ENPP5: variants seen among roughly 807,000 people sequenced by gnomAD.
ENPP5 encodes ectonucleotide pyrophosphatase/phosphodiesterase family member 5.
ENPP5 carries 27 observed loss-of-function variants against 33.7 expected under a neutral mutation model. The ratio of observed to expected loss-of-function variants is 0.80; its 90% CI spans 0.59 to 1.11. The LOEUF is 1.11. ENPP5 is among the 50% of genes least tolerant of loss of function. The pLI is 0.00. For missense variants in ENPP5, 552 were observed against 579.2 expected, an observed-to-expected ratio of 0.95 and a Z score of 0.48; for synonymous variants, 199 against 200.5, an observed-to-expected ratio of 0.99 and a Z score of 0.06.
intron 3 of ENPP5, 29 bp downstream of exon 3, chr6:46,167,405 C>T: frequency 6.9e-7 from 1 of 1,440,772 alleles, no homozygotes; most frequent in Non-Finnish European, 9.7e-7. Context: ...CATCTAGTCT[C>T]AGCTCACCAT....
intron 3 of ENPP5, among the ~76,000 whole-genome samples, chr6:46,166,445 C>A (rs549042388): frequency 9.8e-6 from 1 of 102,406 alleles, no homozygotes; most frequent in Non-Finnish European, 2.2e-5. Flanking sequence ...CCACACCAGG[C>A]TATTTTTTTT....
intron 2 of ENPP5, among the ~76,000 whole-genome samples, chr6:46,168,773 T>C (rs1764637632): frequency 6.6e-6 from 1 of 151,790 alleles, no homozygotes; most frequent in African/African-American, 2.4e-5. Flanking sequence ...ATATTATATA[T>C]ATATGTATAT....
rs1355478221 is a variant in ENPP5 at position 46,161,687 on chromosome 6, G to T, written c.1073C>A (p.Ala358Asp). 3.1e-6 allele frequency: 5 copies of T among 1,613,578 alleles called. No individual in the cohort carries two copies. Among genetic ancestry groups the T allele is most frequent in the Admixed American group, 1.7e-5 (1 of 60,010 alleles). Residue 358 changes from alanine (A) to aspartate (D), a missense_variant, in exon 5 of 5, where the codon GCC becomes GAC. Transcript: ENST00000371383. ...TTCTTTTGAGAAATTCTTTCTGAAG[G>T]CAGGACCATGGGCTAAAAATATTGG... is the stretch of plus-strand genomic sequence containing the variant. The part of the protein sequence containing the change: ...MHPIFLAHGP[A>D]FRKNFSKEAM...
Position 46,161,903 on chromosome 6 carries a change from T to TCAGAGA in ENPP5, c.1007-151_1007-150insTCTCTG, listed in dbSNP as rs1581966493. Reference sequence around the variant, plus strand: ...CTTTGACAAACAATCTCTGCTGTTGTCCACATCACAATTCTCTTCAGGAAT... The same window carrying TCAGAGA: ...CTTTGACAAACAATCTCTGCTGTTGTCAGAGACCACATCACAATTCTCTTCAGGAAT... On this transcript the variant is annotated intron_variant, in intron 4 of 4. Transcript: ENST00000371383. 153 of 664,462 alleles carry TCAGAGA rather than the reference T, an allele frequency of 2.3e-4. 1 individual carries two copies. The East Asian group carries it at 3.8e-3, about 17-fold the overall frequency. The allele number at this position is 664,462 out of a possible 1,614,324, so 41.2% of individuals were successfully genotyped here.
intron 4 of ENPP5, among the ~76,000 whole-genome samples, chr6:46,164,134 GAAACTAC>G (rs993976964): frequency 1.3e-5 from 2 of 152,124 alleles, no homozygotes; most frequent in Non-Finnish European, 2.9e-5. Context: ...CACAGCAAAA[GAAACTAC>G]CATCAGAGTG....
chr6:46,165,604 A>G (rs957163672), intron 3 of ENPP5, 41 bp from the exon 4 acceptor site: 13 of 1,412,154 alleles, frequency 9.2e-6, no homozygotes, highest in Non-Finnish European at 1.1e-5. Context: ...CAAAATACTC[A>G]TAGCTACCAT....
chr6:46,161,858 G>A, intron 4 of ENPP5, 105 bp from the exon 5 acceptor site: 1 of 788,496 alleles, frequency 1.3e-6, no homozygotes, highest in East Asian at 2.4e-5. Context: ...TATCTAGTTT[G>A]ACTGTAAACA....
At position 46,167,907 on chromosome 6, in the gene ENPP5, T is replaced by G. The variant is rs1268309404; in HGVS notation, c.356A>C (p.Glu119Ala). The G allele has an allele frequency of 6.2e-7, 1 of 1,614,094 alleles. No homozygotes were observed. Among genetic ancestry groups the G allele is most frequent in the African/African-American group, 1.3e-5 (1 of 74,932 alleles). ...GTTTGTGATCCATATTGGTGTCGCT[T>G]CTTCCCAAAACTTGGAATCATAAAT... ...MNIYDSKFWE[E>A]ATPIWITNQR... Residue 119 changes from glutamate (E) to alanine (A), a missense_variant, in exon 3 of 5, where the codon GAA (glutamate) becomes GCA (alanine). Transcript: ENST00000371383.
intron 3 of ENPP5, 48 bp from the exon 4 acceptor site, chr6:46,165,611 C>T: frequency 1.5e-6 from 2 of 1,361,186 alleles, no homozygotes; most frequent in Non-Finnish European, 2.0e-6. Context: ...CTCATAGCTA[C>T]CATCAGCCAT....
chr6:46,170,587 G>C (rs979497535), intron 1 of ENPP5, among the ~76,000 whole-genome samples: 2 of 151,844 alleles, frequency 1.3e-5, no homozygotes, highest in Non-Finnish European at 2.9e-5. Context: ...GTGTAGCTCG[G>C]GTAGACGTCA....
intron 4 of ENPP5, among the ~76,000 whole-genome samples, chr6:46,162,409 C>T (rs756066760): frequency 3.3e-5 from 5 of 152,056 alleles, no homozygotes; most frequent in Non-Finnish European, 7.4e-5. Context: ...GGTCTTCTGA[C>T]ACATGTGTCA....
chr6:46,167,735 T>G lies in ENPP5; in HGVS notation c.528A>C (p.Ser176=), dbSNP rs1210879315. The G allele has an allele frequency of 6.2e-7, 1 of 1,614,176 alleles. No individual in the cohort carries two copies. Among genetic ancestry groups the G allele is most frequent in the Admixed American group, 1.7e-5 (1 of 60,020 alleles). The change falls in exon 3 of 5, where the codon TCA becomes TCC. Residue 176 remains serine (S), a synonymous_variant. Coordinates refer to ENST00000371383, the MANE Select transcript of ENPP5 (RefSeq NM_001290072.2). ...RVAKIIEWFT[S]KEPINLGLLY... ...GAAGACCAAGATTTATGGGCTCTTTTGACGTAAACCATTCAATAATTTTGG... is the reference window on the plus strand; with the variant it reads ...GAAGACCAAGATTTATGGGCTCTTTGGACGTAAACCATTCAATAATTTTGG...
chr6:46,165,195 T>C lies in ENPP5; in HGVS notation c.1006+192A>G, dbSNP rs1764505966. On this transcript the variant is annotated intron_variant, in intron 4 of 4. Transcript: ENST00000371383. ...TCTACCTAAAGGGACATTTTGTATATATCTTTTACATATCAAGGACCAATA... is the reference window on the plus strand; with the variant it reads ...TCTACCTAAAGGGACATTTTGTATACATCTTTTACATATCAAGGACCAATA... The C allele has an allele frequency of 2.3e-5, 11 of 482,332 alleles. No homozygotes were observed. In the South Asian group the frequency reaches 4.0e-4, roughly 18 times the overall value. The allele number at this position is 482,332 out of a possible 1,614,324, so 29.9% of individuals were successfully genotyped here.
chr6:46,165,568 A>T lies in ENPP5; in HGVS notation c.830-5T>A. The stretch of plus-strand genomic sequence containing the variant: ...CATAGACTTCATCAAATTTACCTAA[A>T]GAGAAGGGAGGAGAGGCACTCAGAA... On this transcript the variant is annotated splice_polypyrimidine_tract_variant and splice_region_variant and intron_variant, in intron 3 of 4. Transcript: ENST00000371383. 6.4e-7 allele frequency: 1 copy of T among 1,552,960 alleles called. No homozygotes were observed. Among genetic ancestry groups the T allele is most frequent in the Non-Finnish European group, 8.6e-7 (1 of 1,157,140 alleles).
chr6:46,167,896 TTGG>T lies in ENPP5; in HGVS notation c.364_366del (p.Pro122del). ...CCTGCCCTCTGGTTTGTGATCCATA[TTGG>T]TGTCGCTTCTTCCCAAAACTTGGAA... On this transcript the variant is annotated inframe_deletion, in exon 3 of 5. Coordinates refer to ENST00000371383, the MANE Select transcript of ENPP5 (RefSeq NM_001290072.2). 6.2e-7 allele frequency: 1 copy of T among 1,614,198 alleles called. No homozygotes were observed. The highest frequency in any genetic ancestry group is 8.5e-7 in the Non-Finnish European group (1 of 1,180,036).
chr6:46,165,335 T>G, intron 4 of ENPP5, 52 bp downstream of exon 4: 4 of 1,383,962 alleles, frequency 2.9e-6, no homozygotes, highest in Non-Finnish European at 3.9e-6. Context: ...TAAACTGTTG[T>G]ATTTTAGCAA....
chr6:46,168,337 G>T, intron 2 of ENPP5, 40 bp from the exon 3 acceptor site: 1 of 968,548 alleles, frequency 1.0e-6, no homozygotes. Context: ...CAATAATTTT[G>T]TTTTGTATAC....
intron 2 of ENPP5, among the ~76,000 whole-genome samples, chr6:46,169,643 C>T (rs763933667): frequency 6.6e-6 from 1 of 152,186 alleles, no homozygotes; most frequent in Non-Finnish European, 1.5e-5. Flanking sequence ...ATTCACCCTT[C>T]TCGGCTCCCC....
chr6:46,170,546 G>A (rs1764704314), intron 1 of ENPP5, among the ~76,000 whole-genome samples: 1 of 152,242 alleles, frequency 6.6e-6, no homozygotes, highest in African/African-American at 2.4e-5. Context: ...CCGATTAAAC[G>A]GAAGAGGGAA....
Sources: allele counts gnomAD v4.1 joint callset (sites outside exome capture counted in the v4.1 genomes callset), GRCh38; gene constraint gnomAD v4.1.1; transcripts MANE v1.5; gene names NCBI Gene and HGNC (gene_info 2026-07-23, HGNC 2026-07-21).